Variants in ATP10B observed in about 807,000 individuals in gnomAD.
The protein encoded by ATP10B is phospholipid-transporting ATPase VB.
A neutral mutation model predicts 141.2 loss-of-function variants in ATP10B; 122 were observed. The ratio of observed to expected loss-of-function variants is 0.86; its 90% CI spans 0.75 to 1.00. The LOEUF (loss-of-function observed/expected upper bound fraction) is 1.00. ATP10B is among the 50% of genes least tolerant of loss of function. The pLI is 0.00. For synonymous variants in ATP10B, 685 were observed against 692.0 expected (o/e 0.99, Z 0.16); for missense variants, 1,876 against 1,825.3 (o/e 1.03, Z -0.51).
intron 1 of ATP10B, among the ~76,000 whole-genome samples, chr5:160,809,480 T>C (rs1438297258): frequency 6.6e-6 from 1 of 152,210 alleles, no homozygotes; most frequent in Non-Finnish European, 1.5e-5. Flanking sequence ...ATACATATGG[T>C]GATGAGATCA....
At position 160,685,952 on chromosome 5, in the gene ATP10B, C is replaced by G. The variant is rs181138181; in HGVS notation, c.470+127G>C. 9 of 818,858 alleles carry G rather than the reference C, an allele frequency of 1.1e-5. No homozygotes were observed. In the East Asian group the frequency reaches 2.6e-4, roughly 23 times the overall value. 50.7% of individuals were successfully genotyped at this position (818,858 alleles called of 1,614,324 possible). On this transcript the variant is annotated intron_variant, in intron 6 of 25. Coordinates refer to ENST00000327245, the MANE Select transcript of ATP10B (RefSeq NM_025153.3). ...CCCACTAGGGGTCGAAATCACCCCC[C>G]CTTGAGAATCAGTGAATTAAATAAT... is the stretch of plus-strand genomic sequence containing the variant.
At chr5:160,779,601 A>C (rs1770584953) in intron 2 of ATP10B, among the ~76,000 whole-genome samples, 1 of 152,162 alleles carries the variant, frequency 6.6e-6, no homozygotes, top group South Asian at 2.1e-4. Context: ...ATCCTTCCCC[A>C]GTTGAGCCTT....
chr5:160,587,495 A>G (rs1561628941), intron 24 of ATP10B, among the ~76,000 whole-genome samples: 1 of 152,180 alleles, frequency 6.6e-6, no homozygotes, highest in Non-Finnish European at 1.5e-5. Context: ...TGGGAATAGC[A>G]TTGATTCTAT....
intron 20 of ATP10B, chr5:160,602,922 G>T (rs1473116549): frequency 4.1e-6 from 2 of 491,076 alleles, no homozygotes; most frequent in Non-Finnish European, 7.3e-6. Context: ...GATCAGAAGG[G>T]ATCAGTGGTC....
intron 24 of ATP10B, among the ~76,000 whole-genome samples, chr5:160,586,444 G>A (rs1755903587): frequency 6.6e-6 from 1 of 152,198 alleles, no homozygotes; most frequent in South Asian, 2.1e-4. Context: ...ATGTTTGTAT[G>A]CATGTGTCTT....
the ATP10B span, among the ~76,000 whole-genome samples, chr5:160,869,489 T>A: frequency 6.6e-6 from 1 of 151,856 alleles, no homozygotes; most frequent in Non-Finnish European, 1.5e-5. Flanking sequence ...AAAAAAAAAG[T>A]CTTAGAATGT....
Position 160,779,683 on chromosome 5 carries a change from G to A in ATP10B, c.-331+5876C>T, listed in dbSNP as rs971214097. Among the ~76,000 whole-genome samples the A allele has an allele frequency of 2.2e-4, 33 of 152,262 alleles. 1 individual carries two copies. Among genetic ancestry groups the A allele is most frequent in the East Asian group, 1.2e-3 (6 of 5,170 alleles). ...GGAAACCCCTGAGACAGAGAACTCA[G>A]GTAAGCTGCTCAAAGATTCCTGACC... On this transcript the variant is annotated intron_variant, in intron 2 of 25. Transcript: ENST00000327245.
Position 160,620,521 on chromosome 5 carries a change from C to T in ATP10B, c.2242G>A (p.Val748Met). 1 of 1,614,136 alleles carries T rather than the reference C, an allele frequency of 6.2e-7. No individual in the cohort carries two copies. The highest frequency in any genetic ancestry group is 1.1e-5 in the South Asian group (1 of 91,076). Reference sequence around the variant, plus strand: ...AGGCAGGTGCCCTGGGGCAGGCGCACAGTCACCTGCTCAGGTGTCCGGGAC... The same window carrying T: ...AGGCAGGTGCCCTGGGGCAGGCGCATAGTCACCTGCTCAGGTGTCCGGGAC... ...LVSRTPEQVTVRLPQGTCLTF... is the reference protein window; with the variant it reads ...LVSRTPEQVTMRLPQGTCLTF... Residue 748 changes from valine to methionine, a missense_variant, in exon 15 of 26, where the codon GTG becomes ATG. Transcript: ENST00000327245.
chr5:160,787,586 G>A (rs1332063921), intron 1 of ATP10B, among the ~76,000 whole-genome samples: 1 of 152,116 alleles, frequency 6.6e-6, no homozygotes, highest in African/African-American at 2.4e-5. Context: ...CAAGTCCTCT[G>A]TAGAAAATAG....
At position 160,572,446 on chromosome 5, in the gene ATP10B, C is replaced by T. The variant is rs148212286; in HGVS notation, c.3751-2763G>A. Reference sequence around the variant, plus strand: ...TTTTCATAATTATTTTAGTAGCTGACTCCTTTCCCCAAATCACCAGAAATC... The same window carrying T: ...TTTTCATAATTATTTTAGTAGCTGATTCCTTTCCCCAAATCACCAGAAATC... On this transcript the variant is annotated intron_variant, in intron 24 of 25. Transcript: ENST00000327245. 6.5e-4 allele frequency among the ~76,000 whole-genome samples: 99 copies of T among 152,270 alleles called. 1 individual carries two copies. The highest frequency in any genetic ancestry group is 2.3e-3 in the African/African-American group (96 of 41,558).
the ATP10B span, among the ~76,000 whole-genome samples, chr5:160,921,142 T>C: frequency 6.6e-6 from 1 of 152,186 alleles, no homozygotes; most frequent in Non-Finnish European, 1.5e-5. Flanking sequence ...CAGGATCAAA[T>C]ATTGTCATTC....
chr5:160,884,704 A>G, the ATP10B span, among the ~76,000 whole-genome samples: 1 of 152,170 alleles, frequency 6.6e-6, no homozygotes, highest in South Asian at 2.1e-4. Flanking sequence ...TGGAAAAAAT[A>G]TTTTTAAAAA....
chr5:160,884,990 A>G, the ATP10B span, among the ~76,000 whole-genome samples: 827 of 152,336 alleles, frequency 5.4e-3, 11 homozygotes, highest in African/African-American at 0.019. Flanking sequence ...CAATAGAGCC[A>G]GGGCCAAATT....
At chr5:160,604,471 T>C (rs567431518) in intron 19 of ATP10B, among the ~76,000 whole-genome samples, 1 of 152,260 alleles carries the variant, frequency 6.6e-6, no homozygotes, top group East Asian at 1.9e-4. Context: ...TCTTTCAGAT[T>C]CCAGGGCCAA....
intron 3 of ATP10B, among the ~76,000 whole-genome samples, chr5:160,709,609 T>A (rs1388708898): frequency 1.2e-4 from 3 of 25,162 alleles, no homozygotes; most frequent in African/African-American, 2.8e-4. Context: ...TTTTTTTTAA[T>A]TTTTTTTTTT....
At chr5:160,719,911 A>T (rs1765896188) in intron 2 of ATP10B, among the ~76,000 whole-genome samples, 1 of 152,206 alleles carries the variant, frequency 6.6e-6, no homozygotes, top group Non-Finnish European at 1.5e-5. Flanking sequence ...CAGGCCTATG[A>T]TTCTGCCATC....
chr5:160,821,011 A>T (rs1774061419), intron 1 of ATP10B, among the ~76,000 whole-genome samples: 1 of 151,920 alleles, frequency 6.6e-6, no homozygotes, highest in South Asian at 2.1e-4. Flanking sequence ...TCACCTAGCT[A>T]GAGCAATCAG....
chr5:160,823,350 G>A (rs1774322506), intron 1 of ATP10B, among the ~76,000 whole-genome samples: 1 of 151,848 alleles, frequency 6.6e-6, no homozygotes, highest in African/African-American at 2.4e-5. Flanking sequence ...GAGAACACAT[G>A]GACACAGGGA....
intron 10 of ATP10B, 134 bp downstream of exon 10, chr5:160,640,327 T>G (rs567945758): frequency 2.3e-5 from 21 of 932,184 alleles, no homozygotes; most frequent in Non-Finnish European, 3.2e-5. Context: ...CATTTTCATT[T>G]CATTGGCATC....
Sources: gnomAD v4.1 joint callset for allele counts (sites outside exome capture counted in the v4.1 genomes callset) on GRCh38, gnomAD v4.1.1 for gene constraint, MANE v1.5 for transcripts, NCBI Gene and HGNC (gene_info 2026-07-23, HGNC 2026-07-21) for gene names.